The following TRPM2 variants were observed in gnomAD, a reference collection of about 807,000 sequenced individuals.
TRPM2 encodes the protein transient receptor potential cation channel subfamily M member 2.
TRPM2 carries 161 observed loss-of-function variants against 174.0 expected under a neutral mutation model. The ratio of observed to expected loss-of-function variants is 0.93; its 90% CI spans 0.81 to 1.05. The LOEUF is 1.05. Ranked by LOEUF, TRPM2 falls within the 50% of genes least tolerant of loss-of-function variation. TRPM2 has a pLI of 0.00. For missense variants in TRPM2, 2,057 were observed against 2,038.0 expected, an observed-to-expected ratio of 1.01 and a Z score of -0.18; for synonymous variants, 954 against 861.3, an observed-to-expected ratio of 1.11 and a Z score of -1.88.
chr21:44,432,390 T>C lies in TRPM2; in HGVS notation c.3975-2741T>C, dbSNP rs2051058295. Among the ~76,000 whole-genome samples the C allele has an allele frequency of 6.6e-6, 1 of 152,210 alleles. No individual in the cohort carries two copies. Among genetic ancestry groups the C allele is most frequent in the Non-Finnish European group, 1.5e-5 (1 of 68,038 alleles). On this transcript the variant is annotated intron_variant, in intron 27 of 31. Transcript: ENST00000397928. This position sits in a 1 kb window ranked among gnomAD's most constrained non-coding sequence, Gnocchi z 4.9. ...TCTCTTCTGTTCTTAGGATTATAAA[T>C]CGTACTGGGTTTAGGGCCAACCCTA...
chr21:44,403,777 A>C (rs1320050011), intron 16 of TRPM2, among the ~76,000 whole-genome samples: 2 of 151,786 alleles, frequency 1.3e-5, no homozygotes, highest in African/African-American at 2.4e-5. Context: ...ATATACATGC[A>C]TGCACACATA....
intron 5 of TRPM2, among the ~76,000 whole-genome samples, chr21:44,371,947 A>G (rs955301090): frequency 7.2e-5 from 11 of 152,178 alleles, no homozygotes; most frequent in African/African-American, 2.4e-4. Flanking sequence ...AGCTTGGCCA[A>G]TATGGTGGAA....
chr21:44,356,506 C>A (rs897741540), intron 2 of TRPM2, among the ~76,000 whole-genome samples: 10 of 150,700 alleles, frequency 6.6e-5, no homozygotes, highest in Non-Finnish European at 1.3e-4. Flanking sequence ...ATAGGCAGAG[C>A]AGCCCTGAGG....
Position 44,414,005 on chromosome 21 carries a change from T to G in TRPM2, c.3077T>G (p.Val1026Gly), listed in dbSNP as rs562295566. The change falls in exon 20 of 32, where the codon GTC becomes GGC. Residue 1026 changes from valine to glycine, a missense_variant. Coordinates refer to ENST00000397928, the MANE Select transcript of TRPM2 (RefSeq NM_003307.4). ...QRPAFPEWLT[V>G]LLLCLYLLFT... is the part of the protein sequence containing the mutation. ...CCGGCCTTCCCTGAGTGGCTGACGG[T>G]CCTCCTACTCTGCCTCTACCTGCTC... 1 of 1,613,702 alleles carries G rather than the reference T, an allele frequency of 6.2e-7. No individual in the cohort carries two copies. Among genetic ancestry groups the G allele is most frequent in the Non-Finnish European group, 8.5e-7 (1 of 1,179,960 alleles).
At chr21:44,385,825 C>G (rs141560281) in intron 9 of TRPM2, among the ~76,000 whole-genome samples, 1 of 152,106 alleles carries the variant, frequency 6.6e-6, no homozygotes, top group Non-Finnish European at 1.5e-5. Flanking sequence ...GAAGGAAGAG[C>G]CCCTTCTAAA....
intron 1 of TRPM2, 39 bp downstream of exon 1, chr21:44,353,904 C>A (rs1452455985): frequency 1.3e-6 from 2 of 1,581,184 alleles, no homozygotes; most frequent in Non-Finnish European, 1.7e-6. Context: ...TGGCACGTGG[C>A]CACGGAGGTC....
Position 44,418,023 on chromosome 21 carries a change from G to T in TRPM2, c.3243G>T (p.Pro1081=). 1 of 1,612,898 alleles carries T rather than the reference G, an allele frequency of 6.2e-7. No individual in the cohort carries two copies. Among genetic ancestry groups the T allele is most frequent in the Non-Finnish European group, 8.5e-7 (1 of 1,180,002 alleles). ...AGTACCACGGCCGCCCCGCCGCGCC[G>T]CCCCCCTTCATCCTCCTCAGCCACC... ...IEEYHGRPAA[P]PPFILLSHLQ... is the part of the protein sequence containing the mutation. The change falls in exon 21 of 32, where the codon CCG becomes CCT. Residue 1081 remains proline (P), a synonymous_variant. Transcript: ENST00000397928.
chr21:44,440,657 G>A (rs1293166330), intron 30 of TRPM2, 132 bp from the exon 31 acceptor site: 6 of 779,900 alleles, frequency 7.7e-6, no homozygotes, highest in South Asian at 1.5e-5. Flanking sequence ...GGGGGCTGGG[G>A]AGAGCTGGGC....
At chr21:44,422,307 G>A (rs747405035) in intron 22 of TRPM2, 32 of 1,536,124 alleles carry the variant, frequency 2.1e-5, no homozygotes, top group Non-Finnish European at 2.7e-5. Context: ...GACAAGCTCT[G>A]TCTGCAAATC....
At chr21:44,425,058 C>A in intron 24 of TRPM2, 119 bp downstream of exon 24, 1 of 910,900 alleles carries the variant, frequency 1.1e-6, no homozygotes, top group Non-Finnish European at 1.6e-6. Flanking sequence ...AAGGCACTGG[C>A]TGCAGCCTGT....
intron 2 of TRPM2, among the ~76,000 whole-genome samples, chr21:44,355,158 T>C (rs901419105): frequency 1.3e-5 from 2 of 152,120 alleles, no homozygotes; most frequent in Non-Finnish European, 2.9e-5. Context: ...CCTGCACAGC[T>C]TGCCAAAGCC....
chr21:44,402,906 G>A (rs1382961431), intron 16 of TRPM2, among the ~76,000 whole-genome samples: 1 of 152,162 alleles, frequency 6.6e-6, no homozygotes, highest in African/African-American at 2.4e-5. Flanking sequence ...TAACCTTGGT[G>A]GACCACCAGG....
Position 44,442,105 on chromosome 21 carries a change from G to C in TRPM2, c.*288G>C, listed in dbSNP as rs1231128998. 1 of 329,306 alleles carries C rather than the reference G, an allele frequency of 3.0e-6. No individual in the cohort carries two copies. Among genetic ancestry groups the C allele is most frequent in the African/African-American group, 2.1e-5 (1 of 47,118 alleles). 20.4% of individuals were successfully genotyped at this position (329,306 alleles called of 1,614,324 possible). ...TCAGGCGAGGGGCTGGGCCTGTGCA[G>C]CTGGGCCCTTGGCCAGAGTCCACTC... is the stretch of plus-strand genomic sequence containing the variant. On this transcript the variant is annotated 3_prime_UTR_variant, in exon 32 of 32. Coordinates refer to ENST00000397928, the MANE Select transcript of TRPM2 (RefSeq NM_003307.4).
intron 5 of TRPM2, among the ~76,000 whole-genome samples, chr21:44,374,252 C>T (rs1437294626): frequency 6.6e-6 from 1 of 152,166 alleles, no homozygotes; most frequent in African/African-American, 2.4e-5. Context: ...CTCAACTGAT[C>T]TGCCCACCTT....
chr21:44,390,822 C>T (rs891568717), intron 9 of TRPM2, 82 bp from the exon 10 acceptor site: 21 of 1,588,392 alleles, frequency 1.3e-5, no homozygotes, highest in Admixed American at 3.4e-5. Flanking sequence ...CATGACACAT[C>T]CCTGACTCTG....
intron 16 of TRPM2, 113 bp downstream of exon 16, chr21:44,402,010 C>A: frequency 8.2e-7 from 1 of 1,223,992 alleles, no homozygotes; most frequent in South Asian, 1.3e-5. Context: ...CAGCTCCCTG[C>A]AAGCTGAGCA....
chr21:44,374,714 C>T (rs2048644323), intron 5 of TRPM2, among the ~76,000 whole-genome samples: 1 of 152,102 alleles, frequency 6.6e-6, no homozygotes, highest in South Asian at 2.1e-4. Context: ...GGAGGTGGAG[C>T]TCGGACAGTC....
rs367734162 is a variant in TRPM2 at position 44,377,729 on chromosome 21, C to T, written c.970C>T (p.Pro324Ser). 3 of 1,614,188 alleles carry T rather than the reference C, an allele frequency of 1.9e-6. No individual in the cohort carries two copies. In the South Asian group the frequency reaches 3.3e-5, roughly 18 times the overall value. Reference protein sequence around the residue: ...KERGGVAIKIPIVCVVLEGGP... With the variant: ...KERGGVAIKISIVCVVLEGGP... Reference sequence around the variant, plus strand: ...TTTTCTAGGTGTGGCCATCAAGATCCCCATCGTGTGCGTGGTGCTGGAGGG... The same window carrying T: ...TTTTCTAGGTGTGGCCATCAAGATCTCCATCGTGTGCGTGGTGCTGGAGGG... The change falls in exon 7 of 32, where the codon CCC becomes TCC. Residue 324 changes from proline (P) to serine (S), a missense_variant. By Grantham distance (74) the Pro-to-Ser change is moderately conservative. Transcript: ENST00000397928.
chr21:44,442,192 G>A lies in TRPM2; in HGVS notation c.*375G>A. On this transcript the variant is annotated 3_prime_UTR_variant, in exon 32 of 32. Coordinates refer to ENST00000397928, the MANE Select transcript of TRPM2 (RefSeq NM_003307.4). ...CATGGAGGTCATTGGCCTGAGGCAA[G>A]TTCCCCGGAGAGTCGGGGTCCCCTG... The A allele has an allele frequency of 5.3e-6, 1 of 187,510 alleles. No homozygotes were observed. Among genetic ancestry groups the A allele is most frequent in the Non-Finnish European group, 1.1e-5 (1 of 91,966 alleles). The allele number at this position is 187,510 out of a possible 1,614,324, so 11.6% of individuals were successfully genotyped here.
Sources: allele counts gnomAD v4.1 joint callset (sites outside exome capture counted in the v4.1 genomes callset), GRCh38; gene constraint gnomAD v4.1.1; non-coding constraint Gnocchi (gnomAD v3.1); transcripts MANE v1.5; gene names NCBI Gene and HGNC (gene_info 2026-07-23, HGNC 2026-07-21).